Variants in TOPBP1 observed in about 807,000 individuals in gnomAD.
TOPBP1 encodes DNA topoisomerase II binding protein 1, also known as DNA topoisomerase 2-binding protein 1.
Under a neutral mutation model 167.7 loss-of-function variants are expected in TOPBP1, and 28 were observed. The ratio of observed to expected loss-of-function variants is 0.17; its 90% CI spans 0.12 to 0.23. The LOEUF (loss-of-function observed/expected upper bound fraction) is 0.23, where lower values mean the gene tolerates loss of function less well. Ranked by LOEUF, TOPBP1 falls within the 10% of genes least tolerant of loss-of-function variation. TOPBP1 has a pLI of 1.00. For missense variants in TOPBP1, 1,554 were observed against 1,809.6 expected, an observed-to-expected ratio of 0.86 and a Z score of 2.56; for synonymous variants, 598 against 611.4, an observed-to-expected ratio of 0.98 and a Z score of 0.32.
chr3:133,603,406 T>G (rs1319009135), intron 27 of TOPBP1, among the ~76,000 whole-genome samples: 1 of 152,006 alleles, frequency 6.6e-6, no homozygotes, highest in East Asian at 1.9e-4. Context: ...ATATCAATAA[T>G]TACATGATGG....
intron 21 of TOPBP1, among the ~76,000 whole-genome samples, chr3:133,617,937 A>G (rs989145630): frequency 6.6e-6 from 1 of 152,212 alleles, no homozygotes; most frequent in Non-Finnish European, 1.5e-5. Flanking sequence ...AAAAAGGGTT[A>G]GCTAGAATAA....
intron 14 of TOPBP1, among the ~76,000 whole-genome samples, chr3:133,631,037 C>A (rs150891662): frequency 1.3e-5 from 2 of 152,192 alleles, no homozygotes; most frequent in Admixed American, 1.3e-4. Flanking sequence ...CCAAAAAATA[C>A]AATTAGCTGG....
At chr3:133,650,864 T>C (rs1398366864) in intron 8 of TOPBP1, among the ~76,000 whole-genome samples, 1 of 152,044 alleles carries the variant, frequency 6.6e-6, no homozygotes, top group Non-Finnish European at 1.5e-5. Flanking sequence ...ATCCCAACAC[T>C]CTGGGAGGCC....
Position 133,628,386 on chromosome 3 carries a change from G to A in TOPBP1, c.2780C>T (p.Ala927Val). 1 of 1,604,850 alleles carries A rather than the reference G, an allele frequency of 6.2e-7. No homozygotes were observed. Among genetic ancestry groups the A allele is most frequent in the Non-Finnish European group, 8.5e-7 (1 of 1,175,230 alleles). The change falls in exon 16 of 28, where the codon GCA (alanine) becomes GTA (valine). Residue 927 changes from alanine to valine, a missense_variant. By Grantham distance (64) the Ala-to-Val change is moderately conservative. Coordinates refer to ENST00000260810, the MANE Select transcript of TOPBP1 (RefSeq NM_007027.4). ...SKKQSELNGI[A>V]ASLGADYRWS... is the part of the protein sequence containing the mutation. ...CCTGTAATCTGCTCCTAGAGAGGCT[G>A]CGATCCCATTTAGTTCACTCTGCTT... is the stretch of plus-strand genomic sequence containing the variant.
intron 2 of TOPBP1, among the ~76,000 whole-genome samples, chr3:133,660,173 CT>C (rs1203748919): frequency 2.0e-5 from 3 of 152,164 alleles, no homozygotes; most frequent in African/African-American, 7.2e-5. Flanking sequence ...GCTATCTCAC[CT>C]CCTTCACGTT....
At chr3:133,625,892 T>G (rs1395381312) in intron 16 of TOPBP1, among the ~76,000 whole-genome samples, 2 of 152,218 alleles carry the variant, frequency 1.3e-5, no homozygotes, top group African/African-American at 4.8e-5. Context: ...TCTCCCTTTC[T>G]GCGTAGTGGT....
At chr3:133,654,757 T>C (rs2107832652) in intron 6 of TOPBP1, among the ~76,000 whole-genome samples, 1 of 152,322 alleles carries the variant, frequency 6.6e-6, no homozygotes, top group Non-Finnish European at 1.5e-5. Flanking sequence ...TAATGTCTTT[T>C]TCATTTTTTA....
intron 14 of TOPBP1, 77 bp downstream of exon 14, chr3:133,637,799 G>A (rs1382353838): frequency 3.3e-6 from 5 of 1,496,810 alleles, no homozygotes; most frequent in African/African-American, 2.8e-5. Context: ...ACACTTCAGA[G>A]GTGATGCCAA....
At chr3:133,633,747 T>C (rs187758024) in intron 14 of TOPBP1, among the ~76,000 whole-genome samples, 10 of 152,320 alleles carry the variant, frequency 6.6e-5, no homozygotes, top group African/African-American at 1.9e-4. Context: ...GCTGTGATCA[T>C]GCCACTACAC....
chr3:133,635,860 A>C (rs1229229161), intron 14 of TOPBP1, among the ~76,000 whole-genome samples: 1 of 152,216 alleles, frequency 6.6e-6, no homozygotes, highest in Admixed American at 6.5e-5. Context: ...TTGTAAGGGC[A>C]AAAAACTAGT....
chr3:133,615,951 CTA>C (rs1321776125), intron 23 of TOPBP1, among the ~76,000 whole-genome samples: 1 of 152,064 alleles, frequency 6.6e-6, no homozygotes, highest in Admixed American at 6.6e-5. Context: ...TTAAAATGAC[CTA>C]TGTGGTTCAC....
intron 13 of TOPBP1, among the ~76,000 whole-genome samples, 152 bp from the exon 14 acceptor site, chr3:133,638,314 T>G (rs377101149): frequency 1.1e-4 from 17 of 152,348 alleles, no homozygotes; most frequent in Middle Eastern, 3.4e-3. Context: ...CATCCTAATC[T>G]GTTAGTTTTC....
At chr3:133,637,301 A>G (rs1935708923) in intron 14 of TOPBP1, among the ~76,000 whole-genome samples, 1 of 152,168 alleles carries the variant, frequency 6.6e-6, no homozygotes, top group Non-Finnish European at 1.5e-5. Context: ...ATTATTTGGA[A>G]GATTACATTA....
At chr3:133,652,267 G>C (rs1201434408) in intron 8 of TOPBP1, among the ~76,000 whole-genome samples, 196 bp downstream of exon 8, 3 of 152,220 alleles carry the variant, frequency 2.0e-5, no homozygotes, top group Non-Finnish European at 4.4e-5. Flanking sequence ...AAAGATAACA[G>C]AGGAAGATAC....
chr3:133,608,389 A>G, intron 27 of TOPBP1, 146 bp downstream of exon 27: 4 of 840,232 alleles, frequency 4.8e-6, no homozygotes, highest in Non-Finnish European at 7.0e-6. Context: ...CAAATAGAAT[A>G]AAACTGAAAG....
Position 133,601,195 on chromosome 3 carries a change from C to T in TOPBP1, c.*55G>A. ...TACCCAAATCTATCACAGTCACATT[C>T]AGGCTTTCAATTTTTAAAAACATTT... On this transcript the variant is annotated 3_prime_UTR_variant, in exon 28 of 28. Coordinates refer to ENST00000260810, the MANE Select transcript of TOPBP1 (RefSeq NM_007027.4). 3.4e-6 allele frequency: 5 copies of T among 1,482,978 alleles called. No individual in the cohort carries two copies. In the South Asian group the frequency reaches 5.1e-5, roughly 15 times the overall value. The allele number at this position is 1,482,978 out of a possible 1,614,324, so 91.9% of individuals were successfully genotyped here.
chr3:133,652,866 T>C (rs1056602770), intron 7 of TOPBP1, among the ~76,000 whole-genome samples: 45 of 152,184 alleles, frequency 3.0e-4, no homozygotes, highest in Admixed American at 1.2e-3. Flanking sequence ...GTGTCTTGTT[T>C]CCCATAAAAA....
At chr3:133,651,565 T>C (rs1936306508) in intron 8 of TOPBP1, among the ~76,000 whole-genome samples, 1 of 152,162 alleles carries the variant, frequency 6.6e-6, no homozygotes, top group South Asian at 2.1e-4. Context: ...GCCAAGTCAT[T>C]CTACAAATAG....
At chr3:133,620,809 A>G (rs1312785687) in intron 19 of TOPBP1, among the ~76,000 whole-genome samples, 5 of 152,070 alleles carry the variant, frequency 3.3e-5, no homozygotes, top group Admixed American at 3.3e-4. Flanking sequence ...TCCTGACCTC[A>G]GGTGATCTGC....
Sources: gnomAD v4.1 joint callset for allele counts (sites outside exome capture counted in the v4.1 genomes callset) on GRCh38, gnomAD v4.1.1 for gene constraint, MANE v1.5 for transcripts, NCBI Gene and HGNC (gene_info 2026-07-23, HGNC 2026-07-21) for gene names.